Variants in ADCY8 observed in about 807,000 individuals in gnomAD.
The protein encoded by ADCY8 is adenylate cyclase 8.
A neutral mutation model predicts 119.7 loss-of-function variants in ADCY8; 51 were observed. The ratio of observed to expected loss-of-function variants is 0.43; its 90% CI spans 0.34 to 0.54. ADCY8 has a LOEUF of 0.54. Ranked by LOEUF, ADCY8 falls within the 20% of genes least tolerant of loss-of-function variation. ADCY8 has a pLI of 0.03. For synonymous variants in ADCY8, 665 were observed against 651.0 expected (o/e 1.02, Z -0.33); for missense variants, 1,383 against 1,598.8 (o/e 0.87, Z 2.30).
At chr8:130,836,217 A>G in intron 12 of ADCY8, 60 bp downstream of exon 12, 3 of 1,522,322 alleles carry the variant, frequency 2.0e-6, no homozygotes, top group Admixed American at 2.1e-5. Context: ...CATTTTCCCA[A>G]CAATTCCACT....
At position 130,896,927 on chromosome 8, in the gene ADCY8, T is replaced by G. The variant is rs574210182; in HGVS notation, c.1911+6845A>C. On this transcript the variant is annotated intron_variant, in intron 7 of 17. Transcript: ENST00000286355. ...GAGCCTGTGTCTGAGGTAGGGAAAC[T>G]GAATAGGGCAATGTCAGAGCTGAAA... 1.9e-3 allele frequency among the ~76,000 whole-genome samples: 289 copies of G among 152,190 alleles called. 1 individual carries two copies. The Middle Eastern group carries it at 0.024, about 13-fold the overall frequency.
At chr8:130,955,982 CA>C in intron 2 of ADCY8, among the ~76,000 whole-genome samples, 1 of 152,138 alleles carries the variant, frequency 6.6e-6, no homozygotes, top group East Asian at 1.9e-4. Flanking sequence ...TCATTGCTAC[CA>C]AAAATTTAAT....
intron 12 of ADCY8, among the ~76,000 whole-genome samples, chr8:130,835,937 G>A (rs1352433064): frequency 1.3e-5 from 2 of 152,122 alleles, no homozygotes; most frequent in South Asian, 2.1e-4. Flanking sequence ...ATACACAGTG[G>A]CTGCTATTAT....
chr8:130,883,567 A>G (rs1020323866), intron 8 of ADCY8, among the ~76,000 whole-genome samples: 1 of 152,182 alleles, frequency 6.6e-6, no homozygotes, highest in Non-Finnish European at 1.5e-5. Flanking sequence ...AAGGAAAGCA[A>G]ATCTCCCAGG....
At chr8:130,842,249 G>C (rs147960780) in intron 11 of ADCY8, among the ~76,000 whole-genome samples, 84 of 152,150 alleles carry the variant, frequency 5.5e-4, no homozygotes, top group Middle Eastern at 3.4e-3. Flanking sequence ...TGATTATGAT[G>C]TGCCTTTGTG....
At chr8:130,881,185 G>C (rs1344084730) in intron 8 of ADCY8, among the ~76,000 whole-genome samples, 1 of 152,162 alleles carries the variant, frequency 6.6e-6, no homozygotes, top group Non-Finnish European at 1.5e-5. Context: ...AACAGCTACA[G>C]GGGGTGAGGC....
At chr8:130,781,069 T>G (rs559606320) in intron 17 of ADCY8, among the ~76,000 whole-genome samples, 192 bp from the exon 18 acceptor site, 5 of 152,326 alleles carry the variant, frequency 3.3e-5, no homozygotes, top group African/African-American at 1.2e-4. Context: ...GACCTCACTT[T>G]TCTCATCAGT....
intron 1 of ADCY8, among the ~76,000 whole-genome samples, chr8:131,003,689 A>G (rs1823025942): frequency 6.6e-6 from 1 of 150,726 alleles, no homozygotes; most frequent in Admixed American, 6.6e-5. Flanking sequence ...TAAATAATAG[A>G]GCTAGTAAGT....
intron 7 of ADCY8, among the ~76,000 whole-genome samples, chr8:130,895,946 G>T (rs187176838): frequency 6.6e-6 from 1 of 152,140 alleles, no homozygotes; most frequent in African/African-American, 2.4e-5. Flanking sequence ...TTTTTAGGGG[G>T]AGGAATTTCA....
At chr8:131,026,797 A>G (rs1255143744) in intron 1 of ADCY8, among the ~76,000 whole-genome samples, 1 of 152,200 alleles carries the variant, frequency 6.6e-6, no homozygotes, top group East Asian at 1.9e-4. Flanking sequence ...TAAATTATAA[A>G]ATCAAATGAA....
At chr8:130,997,433 G>T (rs1360072124) in intron 1 of ADCY8, among the ~76,000 whole-genome samples, 1 of 152,130 alleles carries the variant, frequency 6.6e-6, no homozygotes, top group East Asian at 1.9e-4. Flanking sequence ...GGTGACCCTA[G>T]CATTTGGGGC....
intron 4 of ADCY8, among the ~76,000 whole-genome samples, chr8:130,939,871 A>G (rs921689017): frequency 6.6e-6 from 1 of 152,208 alleles, no homozygotes; most frequent in African/African-American, 2.4e-5. Context: ...CAGAGCAGGT[A>G]AAGTCACGTC....
chr8:130,984,197 G>C (rs567905034), intron 2 of ADCY8, among the ~76,000 whole-genome samples: 113 of 152,174 alleles, frequency 7.4e-4, no homozygotes, highest in African/African-American at 2.6e-3. Flanking sequence ...GGGAGGACAG[G>C]AGCCTGCATG....
chr8:130,780,638 G>A lies in ADCY8; in HGVS notation c.3508C>T (p.Leu1170Phe), dbSNP rs753241810. ...GGGTTGGGTTGGACTCTTCCCAGAAGAAAGTACGTTTTGATTTTTCCTTCC... is the reference window on the plus strand; with the variant it reads ...GGGTTGGGTTGGACTCTTCCCAGAAAAAAGTACGTTTTGATTTTTCCTTCC... ...EQEGKIKTYFLLGRVQPNPFI... is the reference protein window; with the variant it reads ...EQEGKIKTYFFLGRVQPNPFI... Residue 1170 changes from leucine (L) to phenylalanine (F), a missense_variant, in exon 18 of 18, where the codon CTT becomes TTT. Around this residue, in one of 2 missense-constraint regions of ADCY8, gnomAD observed 928 missense variants for 1,163.5 expected, o/e 0.80. Transcript: ENST00000286355. 6.2e-7 allele frequency: 1 copy of A among 1,614,094 alleles called. No homozygotes were observed. Among genetic ancestry groups the A allele is most frequent in the African/African-American group, 1.3e-5 (1 of 74,946 alleles).
At chr8:130,823,774 A>G (rs951918635) in intron 12 of ADCY8, among the ~76,000 whole-genome samples, 2 of 152,222 alleles carry the variant, frequency 1.3e-5, no homozygotes. Context: ...TACCACCCAG[A>G]GAAGACAATG....
At chr8:130,946,098 G>A (rs1821097912) in intron 3 of ADCY8, among the ~76,000 whole-genome samples, 2 of 152,176 alleles carry the variant, frequency 1.3e-5, no homozygotes, top group East Asian at 3.8e-4. Context: ...TTCCCTTTAT[G>A]AATCCATAAG....
chr8:130,981,207 C>T (rs567509091), intron 2 of ADCY8, among the ~76,000 whole-genome samples: 1 of 152,278 alleles, frequency 6.6e-6, no homozygotes, highest in South Asian at 2.1e-4. Context: ...ACCAAGATAG[C>T]TGAGATAGTG....
chr8:130,933,874 GT>G (rs1394973884), intron 5 of ADCY8, among the ~76,000 whole-genome samples: 1 of 152,208 alleles, frequency 6.6e-6, no homozygotes, highest in Non-Finnish European at 1.5e-5. Flanking sequence ...TCTGTAGAAA[GT>G]TTTGCTGCTT....
intron 1 of ADCY8, among the ~76,000 whole-genome samples, chr8:131,015,104 GA>G (rs1823428646): frequency 1.3e-5 from 2 of 152,276 alleles, no homozygotes; most frequent in East Asian, 3.9e-4. Flanking sequence ...TATATTTTTG[GA>G]AAATTGATTG....
Sources: allele counts gnomAD v4.1 joint callset (sites outside exome capture counted in the v4.1 genomes callset), GRCh38; gene constraint gnomAD v4.1.1; regional missense constraint gnomAD v4.1.1; transcripts MANE v1.5; gene names NCBI Gene and HGNC (gene_info 2026-07-23, HGNC 2026-07-21).